The following MGMT variants were observed in gnomAD, a reference collection of about 807,000 sequenced individuals.
The protein encoded by MGMT is methylated-DNA--protein-cysteine methyltransferase.
A neutral mutation model predicts 15.9 loss-of-function variants in MGMT; 14 were observed. The observed-to-expected ratio is 0.88, with a 90% CI of 0.58 to 1.37. MGMT has a LOEUF of 1.37. Ranked by LOEUF, MGMT falls within the 40% of genes most tolerant of loss-of-function variation. MGMT has a pLI of 0.00. For synonymous variants in MGMT, 130 were observed against 118.2 expected (o/e 1.10, Z -0.65); for missense variants, 282 against 268.1 (o/e 1.05, Z -0.36).
intron 1 of MGMT, among the ~76,000 whole-genome samples, chr10:129,495,083 CT>C (rs1458585663): frequency 5.9e-5 from 9 of 152,338 alleles, no homozygotes; most frequent in African/African-American, 2.2e-4. Context: ...TGCACACATT[CT>C]TTCCTTGACT....
At chr10:129,569,252 G>C (rs1320867974) in intron 2 of MGMT, among the ~76,000 whole-genome samples, 1 of 152,126 alleles carries the variant, frequency 6.6e-6, no homozygotes, top group Non-Finnish European at 1.5e-5. Context: ...CCGGCGCACA[G>C]ATGCTGAAGT....
intron 3 of MGMT, among the ~76,000 whole-genome samples, chr10:129,729,567 C>T (rs569027304): frequency 2.0e-5 from 3 of 152,308 alleles, no homozygotes; most frequent in South Asian, 4.1e-4. Flanking sequence ...TCAGCTGCCC[C>T]GAGGCAGGGG....
chr10:129,693,373 A>G (rs1469998269), intron 2 of MGMT, among the ~76,000 whole-genome samples: 1 of 152,244 alleles, frequency 6.6e-6, no homozygotes, highest in East Asian at 1.9e-4. Context: ...AAGTTTCTCA[A>G]ACTGGAATTT....
chr10:129,677,442 A>AT (rs1347030479), intron 2 of MGMT, among the ~76,000 whole-genome samples: 1 of 152,206 alleles, frequency 6.6e-6, no homozygotes, highest in Middle Eastern at 3.2e-3. Context: ...CCTGTAGAGA[A>AT]TAGCCAACCT....
intron 3 of MGMT, among the ~76,000 whole-genome samples, chr10:129,745,593 G>T (rs538809360): frequency 2.0e-4 from 30 of 152,276 alleles, no homozygotes; most frequent in African/African-American, 7.0e-4. Context: ...CATTTTTCTT[G>T]CTGAGTGTAC....
chr10:129,684,866 T>C (rs1206014172), intron 2 of MGMT, among the ~76,000 whole-genome samples: 1 of 152,232 alleles, frequency 6.6e-6, no homozygotes, highest in African/African-American at 2.4e-5. Flanking sequence ...TTTGTAAAAA[T>C]TGCAGTTCAT....
intron 2 of MGMT, among the ~76,000 whole-genome samples, chr10:129,671,930 A>T (rs987535930): frequency 6.6e-6 from 1 of 152,244 alleles, no homozygotes; most frequent in Non-Finnish European, 1.5e-5. Context: ...AGCTGGCTAT[A>T]CAGAATTTAC....
At chr10:129,642,166 G>A (rs1468226188) in intron 2 of MGMT, among the ~76,000 whole-genome samples, 2 of 152,038 alleles carry the variant, frequency 1.3e-5, no homozygotes, top group South Asian at 2.1e-4. Flanking sequence ...GTTGAAAAGT[G>A]CCTCTTCACT....
At chr10:129,586,818 T>C (rs955168959) in intron 2 of MGMT, among the ~76,000 whole-genome samples, 13 of 152,222 alleles carry the variant, frequency 8.5e-5, no homozygotes, top group African/African-American at 3.1e-4. Flanking sequence ...CCAGAGTGGC[T>C]GCATCCCTCT....
intron 2 of MGMT, among the ~76,000 whole-genome samples, chr10:129,646,735 TATATATATATA>T (rs1156848892): frequency 4.8e-5 from 5 of 103,674 alleles, no homozygotes; most frequent in South Asian, 2.8e-4. Flanking sequence ...TATATATATA[TATATATATATA>T]TATATATATT....
At chr10:129,491,276 A>G (rs770282076) in intron 1 of MGMT, among the ~76,000 whole-genome samples, 1 of 152,166 alleles carries the variant, frequency 6.6e-6, no homozygotes, top group Non-Finnish European at 1.5e-5. Flanking sequence ...ATGACATTCC[A>G]TCGTCTTCTG....
chr10:129,616,007 C>T (rs1020561369), intron 2 of MGMT, among the ~76,000 whole-genome samples: 11 of 152,086 alleles, frequency 7.2e-5, no homozygotes, highest in Admixed American at 6.5e-4. Flanking sequence ...TGGGTCTTTG[C>T]CCATCCTCTG....
At chr10:129,748,653 T>C (rs947231118) in intron 3 of MGMT, among the ~76,000 whole-genome samples, 6 of 152,196 alleles carry the variant, frequency 3.9e-5, no homozygotes, top group Non-Finnish European at 2.9e-5. Context: ...GAAGTAGCTT[T>C]CTGTATACTA....
intron 2 of MGMT, among the ~76,000 whole-genome samples, chr10:129,696,145 G>T (rs1275139086): frequency 6.6e-6 from 1 of 152,152 alleles, no homozygotes; most frequent in African/African-American, 2.4e-5. Flanking sequence ...CTCCCCAGAG[G>T]CCCAGAAGCC....
intron 2 of MGMT, among the ~76,000 whole-genome samples, chr10:129,656,602 TAGAG>T (rs1847527310): frequency 6.6e-6 from 1 of 152,184 alleles, no homozygotes; most frequent in South Asian, 2.1e-4. Context: ...TTATAGATTT[TAGAG>T]AGACATGATA....
intron 2 of MGMT, among the ~76,000 whole-genome samples, chr10:129,608,140 G>GA (rs1472021656): frequency 3.9e-5 from 6 of 152,068 alleles, no homozygotes; most frequent in South Asian, 2.1e-4. Flanking sequence ...GTTTATAATA[G>GA]AAAAAAAACG....
chr10:129,496,275 C>T (rs1258705490), intron 1 of MGMT, among the ~76,000 whole-genome samples: 1 of 152,118 alleles, frequency 6.6e-6, no homozygotes, highest in Non-Finnish European at 1.5e-5. Context: ...CCATCCCGCT[C>T]CAAAAGCTGG....
intron 2 of MGMT, among the ~76,000 whole-genome samples, chr10:129,628,328 A>G (rs567938991): frequency 6.6e-6 from 1 of 152,358 alleles, no homozygotes; most frequent in African/African-American, 2.4e-5. Flanking sequence ...GTGGAAAAAC[A>G]CTAGGAAGAA....
At chr10:129,680,123 C>A (rs1405777222) in intron 2 of MGMT, among the ~76,000 whole-genome samples, 1 of 152,194 alleles carries the variant, frequency 6.6e-6, no homozygotes, top group Non-Finnish European at 1.5e-5. Context: ...CATATCCTAT[C>A]GATTTGTGAC....
Sources: allele counts gnomAD v4.1 joint callset (sites outside exome capture counted in the v4.1 genomes callset), GRCh38; gene constraint gnomAD v4.1.1; transcripts MANE v1.5; gene names NCBI Gene and HGNC (gene_info 2026-07-23, HGNC 2026-07-21).